SAMMSON: variants seen among roughly 807,000 people sequenced by gnomAD.
SAMMSON encodes survival associated mitochondrial melanoma specific oncogenic non-coding RNA.
At position 70,198,749 on chromosome 3, in the gene SAMMSON, C is replaced by G. The variant is rs527567935; in HGVS notation, n.508-50358C>G. On this transcript the variant is annotated intron_variant and non_coding_transcript_variant, in intron 4 of 9. Coordinates refer to ENST00000642114, the Ensembl canonical transcript of SAMMSON. ...TTTATAGTTCAGGCAGCATATTCCA[C>G]AATACCTCTACTGTGTACAAACTCA... Among the ~76,000 whole-genome samples, 6 of 152,270 alleles carry G rather than the reference C, an allele frequency of 3.9e-5. No individual in the cohort carries two copies. In the South Asian group the frequency reaches 1.2e-3, roughly 32 times the overall value.
chr3:70,036,513 A>G (rs1001819794), intron 3 of SAMMSON, among the ~76,000 whole-genome samples: 4 of 152,182 alleles, frequency 2.6e-5, no homozygotes, highest in African/African-American at 4.8e-5. Context: ...AAGTGGGCAT[A>G]TAACCCAATT....
intron 9 of SAMMSON, among the ~76,000 whole-genome samples, chr3:70,365,049 C>T (rs1387747445): frequency 3.3e-5 from 5 of 151,608 alleles, no homozygotes; most frequent in Admixed American, 3.3e-4. Context: ...TATTAAGGTT[C>T]ATTCTTTATG....
At chr3:70,061,359 TG>T (rs1182307084) in intron 3 of SAMMSON, among the ~76,000 whole-genome samples, 1 of 152,152 alleles carries the variant, frequency 6.6e-6, no homozygotes, top group African/African-American at 2.4e-5. Flanking sequence ...ATTGGCAACC[TG>T]TGGGCCCCAT....
chr3:70,322,119 G>T (rs1434828093), intron 7 of SAMMSON, among the ~76,000 whole-genome samples: 1 of 152,048 alleles, frequency 6.6e-6, no homozygotes, highest in Admixed American at 6.6e-5. Context: ...GTTTATATTA[G>T]AAATTACTTT....
chr3:70,009,611 T>C (rs2066945344), intron 1 of SAMMSON, among the ~76,000 whole-genome samples: 1 of 151,846 alleles, frequency 6.6e-6, no homozygotes, highest in African/African-American at 2.4e-5. Flanking sequence ...TTGATTTTTT[T>C]GAAGGGTTTT....
chr3:70,408,766 G>A (rs1044375135), intron 2 of SAMMSON, among the ~76,000 whole-genome samples: 4 of 152,070 alleles, frequency 2.6e-5, no homozygotes, highest in African/African-American at 4.8e-5. Context: ...TTCCAAAGTC[G>A]CTTCCACATT....
chr3:70,086,523 T>C (rs1335369513), intron 4 of SAMMSON, among the ~76,000 whole-genome samples: 1 of 152,222 alleles, frequency 6.6e-6, no homozygotes, highest in Non-Finnish European at 1.5e-5. Flanking sequence ...CAGCCTGCCC[T>C]GGTTTCTTTC....
In SAMMSON at chr3:70,301,831, G is replaced by A. The variant is rs371496450; in HGVS notation, n.739+10588G>A. 2.0e-5 allele frequency among the ~76,000 whole-genome samples: 3 copies of A among 152,040 alleles called. No homozygotes were observed. The South Asian group carries it at 6.2e-4, about 32-fold the overall frequency. On this transcript the variant is annotated intron_variant and non_coding_transcript_variant, in intron 7 of 9. Coordinates refer to ENST00000642114, the Ensembl canonical transcript of SAMMSON. ...CAGATATATTTTGGTAACTCTACAG[G>A]AAGTTTAATTTTCTATCTATAATGC... is the stretch of plus-strand genomic sequence containing the variant.
At chr3:70,271,103 AAGTTGT>A (rs1407627408) in intron 6 of SAMMSON, among the ~76,000 whole-genome samples, 1 of 152,184 alleles carries the variant, frequency 6.6e-6, no homozygotes, top group Non-Finnish European at 1.5e-5. Context: ...CGAAGCTGGG[AAGTTGT>A]ATATACTAAA....
At chr3:70,373,693 C>T (rs1240758896) in intron 9 of SAMMSON, among the ~76,000 whole-genome samples, 1 of 152,076 alleles carries the variant, frequency 6.6e-6, no homozygotes. Flanking sequence ...TGTTGTTTTA[C>T]CTTCAAGTTC....
intron 4 of SAMMSON, among the ~76,000 whole-genome samples, chr3:70,179,817 C>A (rs1701037411): frequency 6.6e-6 from 1 of 151,906 alleles, no homozygotes; most frequent in African/African-American, 2.4e-5. Context: ...GGATTATAGT[C>A]ACAGGCTTAT....
chr3:70,335,409 C>T (rs553073820), intron 7 of SAMMSON, among the ~76,000 whole-genome samples: 5 of 151,844 alleles, frequency 3.3e-5, no homozygotes, highest in Non-Finnish European at 7.4e-5. Context: ...TTATAATATA[C>T]CAGCACACAA....
At chr3:70,374,722 C>T (rs762151481) in intron 9 of SAMMSON, among the ~76,000 whole-genome samples, 16 of 152,088 alleles carry the variant, frequency 1.1e-4, no homozygotes, top group Admixed American at 7.2e-4. Context: ...GGGGTCATTG[C>T]GATGGTTTGT....
At chr3:70,308,435 A>T (rs763057408) in intron 7 of SAMMSON, among the ~76,000 whole-genome samples, 1 of 152,104 alleles carries the variant, frequency 6.6e-6, no homozygotes, top group Admixed American at 6.6e-5. Context: ...TTTTAAAATG[A>T]ATGATTTTTT....
chr3:70,065,375 C>T (rs1251154615), intron 3 of SAMMSON: 1 of 152,030 alleles, frequency 6.6e-6, no homozygotes, highest in Admixed American at 6.6e-5. Flanking sequence ...TTACCACCCG[C>T]CTGCGTGCAG....
chr3:70,359,205 C>A (rs777180729), intron 9 of SAMMSON, among the ~76,000 whole-genome samples: 3 of 152,098 alleles, frequency 2.0e-5, no homozygotes, highest in Non-Finnish European at 2.9e-5. Context: ...CCTCTACTTA[C>A]AGGGACAAGT....
At chr3:70,250,376 A>G (rs1430554881) in intron 6 of SAMMSON, among the ~76,000 whole-genome samples, 1 of 150,672 alleles carries the variant, frequency 6.6e-6, no homozygotes, top group Admixed American at 6.6e-5. Context: ...TTTTATTGTT[A>G]TTGACAATAT....
chr3:70,056,465 T>G (rs2067168001), intron 3 of SAMMSON, among the ~76,000 whole-genome samples: 1 of 152,014 alleles, frequency 6.6e-6, no homozygotes, highest in Non-Finnish European at 1.5e-5. Flanking sequence ...TTTCTAGTTT[T>G]GTTTTCTTTT....
chr3:70,126,437 G>T, intron 4 of SAMMSON: 2 of 703,542 alleles, frequency 2.8e-6, no homozygotes, highest in South Asian at 1.5e-5. Flanking sequence ...CCCCTTATCT[G>T]ACAGGTCATG....
Sources: allele counts gnomAD v4.1 joint callset (sites outside exome capture counted in the v4.1 genomes callset), GRCh38; gene constraint gnomAD v4.1.1; transcripts MANE v1.5; gene names NCBI Gene and HGNC (gene_info 2026-07-23, HGNC 2026-07-21).